Variants in LRRC4C observed in about 807,000 individuals in gnomAD.
LRRC4C encodes leucine rich repeat containing 4C.
LRRC4C carries 5 observed loss-of-function variants against 33.6 expected under a neutral mutation model. The ratio of observed to expected loss-of-function variants is 0.15; its 90% CI spans 0.08 to 0.31. LRRC4C has a LOEUF of 0.31. LRRC4C is among the 10% of genes least tolerant of loss of function. LRRC4C has a pLI of 1.00. For missense variants in LRRC4C, 560 were observed against 796.7 expected, an observed-to-expected ratio of 0.70 and a Z score of 3.58; for synonymous variants, 329 against 302.0, an observed-to-expected ratio of 1.09 and a Z score of -0.93.
chr11:40,828,262 C>T (rs1952252716), intron 2 of LRRC4C, among the ~76,000 whole-genome samples: 1 of 151,324 alleles, frequency 6.6e-6, no homozygotes, highest in Non-Finnish European at 1.5e-5. Flanking sequence ...GCAACATTTT[C>T]TTGCTTTGAC....
At chr11:40,874,713 A>G (rs566413744) in intron 2 of LRRC4C, among the ~76,000 whole-genome samples, 4 of 152,206 alleles carry the variant, frequency 2.6e-5, no homozygotes, top group Admixed American at 1.3e-4. Flanking sequence ...AAAAGTACAA[A>G]TACACAGATT....
intron 3 of LRRC4C, among the ~76,000 whole-genome samples, chr11:40,497,891 CCTAAAAAATCT>C (rs1456053876): frequency 6.6e-6 from 1 of 152,010 alleles, no homozygotes; most frequent in African/African-American, 2.4e-5. Context: ...GAATACAACC[CCTAAAAAATCT>C]CTAAAAAATA....
intron 1 of LRRC4C, among the ~76,000 whole-genome samples, chr11:40,967,486 G>A (rs1004900193): frequency 3.3e-5 from 5 of 151,972 alleles, no homozygotes; most frequent in Non-Finnish European, 5.9e-5. Context: ...TTGCAACCCT[G>A]TATCAAACAA....
intron 1 of LRRC4C, among the ~76,000 whole-genome samples, chr11:40,996,367 A>C (rs1375399345): frequency 6.6e-6 from 1 of 152,148 alleles, no homozygotes; most frequent in Non-Finnish European, 1.5e-5. Flanking sequence ...GCCTTAAAAA[A>C]AATAAAACTA....
At chr11:40,139,190 G>GCTCCTTATTGCTTTTCATGTAC in intron 6 of LRRC4C, among the ~76,000 whole-genome samples, 1 of 151,562 alleles carries the variant, frequency 6.6e-6, no homozygotes, top group African/African-American at 2.4e-5. Flanking sequence ...CACATACACA[G>GCTCCTTATTGCTTTTCATGTAC]AGTGCTAGAG....
At chr11:41,150,574 G>T (rs989542132) in intron 1 of LRRC4C, among the ~76,000 whole-genome samples, 39 of 151,922 alleles carry the variant, frequency 2.6e-4, no homozygotes, top group African/African-American at 8.9e-4. Context: ...GGCGGATCAC[G>T]AGGTAAGGAG....
At chr11:40,764,844 G>T (rs749771573) in intron 2 of LRRC4C, among the ~76,000 whole-genome samples, 1 of 152,172 alleles carries the variant, frequency 6.6e-6, no homozygotes, top group African/African-American at 2.4e-5. Flanking sequence ...AAGGCAGTAC[G>T]TCTACAAGTC....
rs774394643 is a variant in LRRC4C at position 40,115,975 on chromosome 11, C to T, written c.318G>A (p.Gln106=). 2 of 1,614,106 alleles carry T rather than the reference C, an allele frequency of 1.2e-6. No individual in the cohort carries two copies. The highest frequency in any genetic ancestry group is 1.1e-5 in the South Asian group (1 of 91,078). ...FKHLRHLEIL[Q]LSRNHIRTIE... is the part of the protein sequence containing the mutation. ...TGGTTCTGATATGGTTCCTACTCAA[C>T]TGTAGGATTTCCAAGTGTCTCAAGT... Residue 106 remains glutamine, a synonymous_variant, in exon 7 of 7, where the codon CAG becomes CAA. Coordinates refer to ENST00000528697, the MANE Select transcript of LRRC4C (RefSeq NM_001258419.2). This position sits in a 1 kb window ranked among gnomAD's most constrained non-coding sequence, Gnocchi z 6.7.
intron 1 of LRRC4C, among the ~76,000 whole-genome samples, chr11:41,133,981 A>G (rs1240380535): frequency 6.6e-6 from 1 of 152,148 alleles, no homozygotes; most frequent in African/African-American, 2.4e-5. Flanking sequence ...AAGTATATAA[A>G]TCCACACTCT....
intron 1 of LRRC4C, among the ~76,000 whole-genome samples, chr11:41,399,506 A>T (rs2138088828): frequency 6.6e-6 from 1 of 152,078 alleles, no homozygotes; most frequent in African/African-American, 2.4e-5. Context: ...ACGGAGAAGA[A>T]AAACCAAATA....
chr11:40,209,233 C>T (rs1863398189), intron 5 of LRRC4C, among the ~76,000 whole-genome samples: 2 of 151,988 alleles, frequency 1.3e-5, no homozygotes, highest in Non-Finnish European at 2.9e-5. Context: ...TCACAACAGC[C>T]GTGTTTCTAC....
intron 1 of LRRC4C, among the ~76,000 whole-genome samples, chr11:41,027,247 G>A (rs1029045698): frequency 1.3e-5 from 2 of 151,572 alleles, no homozygotes; most frequent in African/African-American, 4.8e-5. Context: ...AATGATAGCC[G>A]AAGCATTGTC....
intron 1 of LRRC4C, among the ~76,000 whole-genome samples, chr11:41,026,942 A>T (rs1856415702): frequency 6.6e-6 from 1 of 151,718 alleles, no homozygotes; most frequent in East Asian, 1.9e-4. Flanking sequence ...ATTTATTAAG[A>T]TACTTCCTTT....
intron 3 of LRRC4C, among the ~76,000 whole-genome samples, chr11:40,630,421 C>CTT (rs1193168840): frequency 0.074 from 5,904 of 79,792 alleles, 305 homozygotes; most frequent in African/African-American, 0.11. Flanking sequence ...TCTTCTTCTT[C>CTT]TTTTTTTTTT....
Position 40,825,944 on chromosome 11 carries a change from G to T in LRRC4C, c.-407+107691C>A, listed in dbSNP as rs866389980. Among the ~76,000 whole-genome samples, 57 of 50,512 alleles carry T rather than the reference G, an allele frequency of 1.1e-3. 1 individual carries two copies. The highest frequency in any genetic ancestry group is 4.4e-3 in the Admixed American group (17 of 3,852). 33.1% of individuals were successfully genotyped at this position (50,512 alleles called of 152,430 possible). A position where few individuals can be genotyped will look rare whatever the true frequency, so the allele number is the denominator to read the frequency against. The stretch of plus-strand genomic sequence containing the variant: ...TATGCTTCACATATTGTATTCTGGG[G>T]GGGGGGCGTCTCACATATATTCAAT... On this transcript the variant is annotated intron_variant, in intron 2 of 6. Transcript: ENST00000528697.
At chr11:41,304,529 T>G (rs1390154716) in intron 1 of LRRC4C, among the ~76,000 whole-genome samples, 216 of 35,232 alleles carry the variant, frequency 6.1e-3, no homozygotes, top group Admixed American at 9.6e-3. Context: ...GAGGTGGGGG[T>G]ATCAGCCCCC....
intron 5 of LRRC4C, among the ~76,000 whole-genome samples, chr11:40,198,057 G>A (rs762079578): frequency 6.6e-6 from 1 of 152,138 alleles, no homozygotes; most frequent in Non-Finnish European, 1.5e-5. Context: ...AAGTTCACGT[G>A]CCAGCAGATA....
At chr11:40,986,904 C>G (rs1169334946) in intron 1 of LRRC4C, among the ~76,000 whole-genome samples, 1 of 152,150 alleles carries the variant, frequency 6.6e-6, no homozygotes, top group East Asian at 1.9e-4. Context: ...GCCAATTTGT[C>G]AAAAAACATA....
At chr11:40,759,112 T>C (rs940310441) in intron 2 of LRRC4C, among the ~76,000 whole-genome samples, 1 of 147,318 alleles carries the variant, frequency 6.8e-6, no homozygotes, top group African/African-American at 2.5e-5. Context: ...TATATAAAAA[T>C]ATCTTCCTTA....
Sources: allele counts gnomAD v4.1 joint callset (sites outside exome capture counted in the v4.1 genomes callset), GRCh38; gene constraint gnomAD v4.1.1; non-coding constraint Gnocchi (gnomAD v3.1); transcripts MANE v1.5; gene names NCBI Gene and HGNC (gene_info 2026-07-23, HGNC 2026-07-21).